Variants in CAMK1D observed in about 807,000 individuals in gnomAD.
The protein encoded by CAMK1D is calcium/calmodulin dependent protein kinase ID.
In CAMK1D, 9 loss-of-function variants were observed where a neutral mutation model predicts 47.7. That is an observed-to-expected ratio of 0.19 (90% CI 0.11 to 0.33). The LOEUF (loss-of-function observed/expected upper bound fraction) is 0.33, where lower values mean the gene tolerates loss of function less well. Ranked by LOEUF, CAMK1D falls within the 10% of genes least tolerant of loss-of-function variation. The pLI, the probability that CAMK1D is intolerant of heterozygous loss-of-function variation, is 1.00. For synonymous variants in CAMK1D, 184 were observed against 184.9 expected, an observed-to-expected ratio of 0.99 and a Z score of 0.04; for missense variants, 291 against 488.7, an observed-to-expected ratio of 0.60 and a Z score of 3.81.
rs191189221 is a variant in CAMK1D, at chr10:12,824,562, G to A, written c.921+10G>A. 2.3e-5 allele frequency: 37 copies of A among 1,610,148 alleles called. No individual in the cohort carries two copies. Among genetic ancestry groups the A allele is most frequent in the Admixed American group, 2.2e-4 (13 of 59,968 alleles). ...CAAGAGCAAATGGAGAGTAAGTGTG[G>A]AGTATATGAAATTCCCCGTGGATTA... is the stretch of plus-strand genomic sequence containing the variant. On this transcript the variant is annotated intron_variant, in intron 9 of 10. Transcript: ENST00000619168.
intron 3 of CAMK1D, among the ~76,000 whole-genome samples, chr10:12,729,334 T>C (rs1564521028): frequency 6.6e-6 from 1 of 152,124 alleles, no homozygotes; most frequent in Non-Finnish European, 1.5e-5. Context: ...GCCGAGTACC[T>C]ATAGAACAGA....
chr10:12,725,949 G>T (rs1402518251), intron 3 of CAMK1D, among the ~76,000 whole-genome samples: 2 of 151,836 alleles, frequency 1.3e-5, no homozygotes, highest in Non-Finnish European at 2.9e-5. Flanking sequence ...TATAGACGGG[G>T]CTTCCTCATG....
chr10:12,700,650 G>C (rs1349231294), intron 3 of CAMK1D, among the ~76,000 whole-genome samples: 2 of 152,186 alleles, frequency 1.3e-5, no homozygotes, highest in Non-Finnish European at 2.9e-5. Context: ...ATATATGAAA[G>C]ACATGGCACG....
At chr10:12,481,927 CTGGACACTGTG>C (rs1204570387) in intron 1 of CAMK1D, among the ~76,000 whole-genome samples, 1 of 152,238 alleles carries the variant, frequency 6.6e-6, no homozygotes, top group Non-Finnish European at 1.5e-5. Context: ...GCAGTCAGAG[CTGGACACTGTG>C]TGGATCACTC....
chr10:12,454,372 C>G (rs1833179754), intron 1 of CAMK1D, among the ~76,000 whole-genome samples: 2 of 151,972 alleles, frequency 1.3e-5, no homozygotes, highest in East Asian at 3.9e-4. Context: ...CCGTGTTAGC[C>G]AAGATGGTCT....
chr10:12,606,883 C>T (rs935394582), intron 2 of CAMK1D, among the ~76,000 whole-genome samples: 3 of 151,908 alleles, frequency 2.0e-5, no homozygotes, highest in African/African-American at 4.8e-5. Flanking sequence ...GCTGGAGTGC[C>T]GTGGCGCAGT....
chr10:12,788,504 G>C (rs1040817916), intron 5 of CAMK1D, among the ~76,000 whole-genome samples: 1 of 152,226 alleles, frequency 6.6e-6, no homozygotes, highest in African/African-American at 2.4e-5. Context: ...GGGAGGGGAA[G>C]CTGGTCAGCC....
chr10:12,678,917 C>A (rs1369050446), intron 3 of CAMK1D, among the ~76,000 whole-genome samples: 1 of 152,110 alleles, frequency 6.6e-6, no homozygotes, highest in Non-Finnish European at 1.5e-5. Context: ...CATGCACCAT[C>A]ATGCCCAGCT....
chr10:12,568,652 T>A (rs1325679746), intron 2 of CAMK1D, among the ~76,000 whole-genome samples: 1 of 151,488 alleles, frequency 6.6e-6, no homozygotes, highest in Non-Finnish European at 1.5e-5. Context: ...TTTGAGTGCT[T>A]CTTTTCTTAA....
intron 2 of CAMK1D, among the ~76,000 whole-genome samples, chr10:12,574,049 C>T (rs1219367367): frequency 6.6e-6 from 1 of 151,992 alleles, no homozygotes; most frequent in East Asian, 1.9e-4. Context: ...CACTCATTCA[C>T]CAACCCCTTT....
At chr10:12,745,795 G>C (rs1230648549) in intron 3 of CAMK1D, among the ~76,000 whole-genome samples, 1 of 151,994 alleles carries the variant, frequency 6.6e-6, no homozygotes, top group Non-Finnish European at 1.5e-5. Flanking sequence ...GTAGAGATGG[G>C]ATTTCACCAT....
chr10:12,567,251 T>C (rs1425917475), intron 2 of CAMK1D, among the ~76,000 whole-genome samples: 1 of 152,230 alleles, frequency 6.6e-6, no homozygotes, highest in Non-Finnish European at 1.5e-5. Context: ...GCTGCAGGCC[T>C]GAGAGCTGTG....
chr10:12,477,506 G>A lies in CAMK1D; in HGVS notation c.93-75719G>A, dbSNP rs530050528. ...GAAAGGGGCACGATTAGGAGGCGGA[G>A]TCTCCCCTGGAGTGTGGTCCCATTC... On this transcript the variant is annotated intron_variant, in intron 1 of 10. Transcript: ENST00000619168. Among the ~76,000 whole-genome samples, 4 of 152,310 alleles carry A rather than the reference G, an allele frequency of 2.6e-5. No individual in the cohort carries two copies. The South Asian group carries it at 6.2e-4, about 24-fold the overall frequency.
chr10:12,816,532 T>C (rs1489546326), intron 8 of CAMK1D, among the ~76,000 whole-genome samples: 4 of 152,060 alleles, frequency 2.6e-5, no homozygotes, highest in Admixed American at 2.6e-4. Context: ...GGAAGCACCA[T>C]GAGAAGTTAG....
intron 1 of CAMK1D, among the ~76,000 whole-genome samples, chr10:12,541,456 T>C (rs961887763): frequency 6.6e-6 from 1 of 152,098 alleles, no homozygotes; most frequent in African/African-American, 2.4e-5. Flanking sequence ...CTCCGCTGCC[T>C]GGGTTCAAGC....
At chr10:12,386,050 T>C (rs1270980690) in intron 1 of CAMK1D, among the ~76,000 whole-genome samples, 2 of 152,316 alleles carry the variant, frequency 1.3e-5, no homozygotes, top group African/African-American at 2.4e-5. Context: ...CTGGCCTGAA[T>C]TGTACATTTT....
intron 1 of CAMK1D, among the ~76,000 whole-genome samples, chr10:12,521,777 T>A (rs905788319): frequency 6.6e-6 from 1 of 152,230 alleles, no homozygotes; most frequent in African/African-American, 2.4e-5. Context: ...TTTAGATAGG[T>A]ACACATTTAA....
intron 3 of CAMK1D, among the ~76,000 whole-genome samples, chr10:12,722,075 C>T (rs559835727): frequency 1.2e-4 from 19 of 152,080 alleles, no homozygotes; most frequent in South Asian, 1.2e-3. Flanking sequence ...CACAGGCCCC[C>T]CATTCCTAAC....
chr10:12,450,933 A>G (rs1231556310), intron 1 of CAMK1D, among the ~76,000 whole-genome samples: 1 of 152,202 alleles, frequency 6.6e-6, no homozygotes, highest in Non-Finnish European at 1.5e-5. Flanking sequence ...GCCAACTGGC[A>G]TGTCCTGCGC....
Sources: allele counts gnomAD v4.1 joint callset (sites outside exome capture counted in the v4.1 genomes callset), GRCh38; gene constraint gnomAD v4.1.1; transcripts MANE v1.5; gene names NCBI Gene and HGNC (gene_info 2026-07-23, HGNC 2026-07-21).